Variants in SMIM18 observed in about 807,000 individuals in gnomAD.
SMIM18 encodes the protein small integral membrane protein 18.
SMIM18 carries 4 observed loss-of-function variants against 5.9 expected under a neutral mutation model. The observed-to-expected ratio is 0.68, with a 90% CI of 0.33 to 1.56. The LOEUF (loss-of-function observed/expected upper bound fraction) is 1.56, where lower values mean the gene tolerates loss of function less well. Ranked by LOEUF, SMIM18 falls within the 40% of genes most tolerant of loss-of-function variation. SMIM18 has a pLI of 0.06. For synonymous variants in SMIM18, 37 were observed against 37.4 expected, an observed-to-expected ratio of 0.99 and a Z score of 0.04; for missense variants, 89 against 109.7, an observed-to-expected ratio of 0.81 and a Z score of 0.84.
At chr8:30,643,719 T>C (rs1220726498) in intron 1 of SMIM18, 1 of 148,818 alleles carries the variant, frequency 6.7e-6, no homozygotes, top group African/African-American at 2.5e-5. Flanking sequence ...ATCATACAAA[T>C]CTCTCACCTT....
At chr8:30,640,623 T>A (rs1459206998) in intron 1 of SMIM18, among the ~76,000 whole-genome samples, 4 of 152,264 alleles carry the variant, frequency 2.6e-5, no homozygotes, top group Non-Finnish European at 5.9e-5. Context: ...TCATAAAGAA[T>A]GTTTACAGCA....
intron 1 of SMIM18, among the ~76,000 whole-genome samples, chr8:30,639,604 A>G (rs937848511): frequency 1.3e-5 from 2 of 152,158 alleles, no homozygotes; most frequent in Non-Finnish European, 2.9e-5. Flanking sequence ...TTAAAAATTA[A>G]TATTAACTGC....
intron 1 of SMIM18, chr8:30,643,745 T>A (rs1012496599): frequency 1.3e-5 from 2 of 151,900 alleles, no homozygotes; most frequent in Non-Finnish European, 2.9e-5. Context: ...AAAGATTTCT[T>A]CAGAGAGTAA....
At chr8:30,640,992 T>G (rs1801801828) in intron 1 of SMIM18, among the ~76,000 whole-genome samples, 1 of 152,140 alleles carries the variant, frequency 6.6e-6, no homozygotes, top group African/African-American at 2.4e-5. Context: ...GGCCTAATGG[T>G]ATATTTCTTT....
intron 1 of SMIM18, chr8:30,643,574 T>G (rs1238578265): frequency 6.6e-6 from 1 of 151,664 alleles, no homozygotes; most frequent in Non-Finnish European, 1.5e-5. Context: ...GAGAATCACT[T>G]GAACCCAGGA....
chr8:30,645,383 A>AC lies in SMIM18; in HGVS notation c.77dup (p.His28ProfsTer2), dbSNP rs1563508635. On this transcript the variant is annotated frameshift_variant, in exon 3 of 3. Coordinates refer to ENST00000517349, the MANE Select transcript of SMIM18 (RefSeq NM_001206847.2). LOFTEE classifies it high-confidence loss of function. ...CTTGGTTTTCAAGTTCAAAAAATTTACCCTTTCCATGACAACTGGAACACT... is the reference window on the plus strand; with the variant it reads ...CTTGGTTTTCAAGTTCAAAAAATTTACCCCTTTCCATGACAACTGGAACACT... 2.0e-6 allele frequency: 3 copies of AC among 1,535,654 alleles called. No individual in the cohort carries two copies. Among genetic ancestry groups the AC allele is most frequent in the Non-Finnish European group, 2.6e-6 (3 of 1,146,898 alleles).
At chr8:30,643,341 A>G (rs1213840255) in intron 1 of SMIM18, 3 of 152,134 alleles carry the variant, frequency 2.0e-5, no homozygotes, top group African/African-American at 4.8e-5. Flanking sequence ...ATGGGCCAAG[A>G]GTTGATGAAT....
chr8:30,641,200 C>T (rs988216774), intron 1 of SMIM18, among the ~76,000 whole-genome samples: 3 of 152,170 alleles, frequency 2.0e-5, no homozygotes, highest in African/African-American at 4.8e-5. Flanking sequence ...TGTTTTGAGC[C>T]GCTCGGTTAT....
intron 1 of SMIM18, among the ~76,000 whole-genome samples, chr8:30,644,004 G>A (rs1351082382): frequency 2.0e-5 from 3 of 152,142 alleles, no homozygotes; most frequent in Non-Finnish European, 2.9e-5. Flanking sequence ...AATGACAACC[G>A]ATAAATTAAT....
intron 1 of SMIM18, among the ~76,000 whole-genome samples, chr8:30,640,315 G>A (rs1801768656): frequency 6.6e-6 from 1 of 152,102 alleles, no homozygotes; most frequent in African/African-American, 2.4e-5. Context: ...ATTCTCATCT[G>A]GCAACCCAAA....
Position 30,645,658 on chromosome 8 carries a change from T to A in SMIM18, c.*61T>A. On this transcript the variant is annotated 3_prime_UTR_variant, in exon 3 of 3. Transcript: ENST00000517349. ...GCTCAACCTCTTCTGAGAAAAAAAATATATTCTGAGGCCAACTGTTGCTAC... is the reference window on the plus strand; with the variant it reads ...GCTCAACCTCTTCTGAGAAAAAAAAAATATTCTGAGGCCAACTGTTGCTAC... The A allele has an allele frequency of 1.4e-6, 2 of 1,438,188 alleles. No homozygotes were observed. Among genetic ancestry groups the A allele is most frequent in the South Asian group, 2.7e-5 (2 of 73,138 alleles). 89.1% of individuals were successfully genotyped at this position (1,438,188 alleles called of 1,614,324 possible).
chr8:30,645,194 C>T (rs970261642), intron 2 of SMIM18, 87 bp from the exon 3 acceptor site: 2 of 1,178,290 alleles, frequency 1.7e-6, no homozygotes, highest in African/African-American at 1.6e-5. Context: ...GTTGCCTATA[C>T]AAATTTACTA....
Position 30,645,328 on chromosome 8 carries a change from A to G in SMIM18, c.19A>G (p.Asn7Asp), listed in dbSNP as rs1416003562. 3.9e-6 allele frequency: 6 copies of G among 1,535,482 alleles called. No homozygotes were observed. The Admixed American group carries it at 5.9e-5, about 15-fold the overall frequency. Reference sequence around the variant, plus strand: ...TCTAAGAATGGCTTCCAGCCACTGGAATGAAACCACTACCTCTGTTTATCA... The same window carrying G: ...TCTAAGAATGGCTTCCAGCCACTGGGATGAAACCACTACCTCTGTTTATCA... Reference protein sequence around the residue: MASSHWNETTTSVYQYL... With the variant: MASSHWDETTTSVYQYL... The change falls in exon 3 of 3, where the codon AAT becomes GAT. Residue 7 changes from asparagine (N) to aspartate (D), a missense_variant. Coordinates refer to ENST00000517349, the MANE Select transcript of SMIM18 (RefSeq NM_001206847.2).
Position 30,645,771 on chromosome 8 carries a change from TCATTAAATA to T in SMIM18, c.*175_*183del. ...TGCACTGTTTGTGTGTATAGCCATT[TCATTAAATA>T]TACAGTAAAACTTCATGAATGTGAA... On this transcript the variant is annotated 3_prime_UTR_variant, in exon 3 of 3. Transcript: ENST00000517349. The T allele has an allele frequency of 1.7e-6, 1 of 598,956 alleles. No individual in the cohort carries two copies. Among genetic ancestry groups the T allele is most frequent in the Non-Finnish European group, 2.9e-6 (1 of 349,904 alleles). The allele number at this position is 598,956 out of a possible 1,614,324, so 37.1% of individuals were successfully genotyped here.
chr8:30,643,375 G>C (rs1228965035), intron 1 of SMIM18: 3 of 152,138 alleles, frequency 2.0e-5, no homozygotes, highest in African/African-American at 7.2e-5. Context: ...AAGTACATGG[G>C]AGGCCAGGCG....
chr8:30,639,477 ATAAAC>A (rs1250483724), intron 1 of SMIM18, among the ~76,000 whole-genome samples: 2 of 152,180 alleles, frequency 1.3e-5, no homozygotes, highest in African/African-American at 4.8e-5. Flanking sequence ...AGTCCTTTTG[ATAAAC>A]TGCATTTTAA....
Position 30,645,731 on chromosome 8 carries a change from A to T in SMIM18, c.*134A>T. ...TTAAAACATTTCTAGTAGAAGGGGA[A>T]AAAAAAGTTAAACATGCACTGTTTG... On this transcript the variant is annotated 3_prime_UTR_variant, in exon 3 of 3. Transcript: ENST00000517349. 1 of 864,656 alleles carries T rather than the reference A, an allele frequency of 1.2e-6. No homozygotes were observed. The highest frequency in any genetic ancestry group is 1.7e-6 in the Non-Finnish European group (1 of 580,254). 53.6% of individuals were successfully genotyped at this position (864,656 alleles called of 1,614,324 possible).
rs972216837 is a variant in SMIM18 at position 30,645,413 on chromosome 8, G to A, written c.104G>A (p.Cys35Tyr). 2.0e-6 allele frequency: 3 copies of A among 1,535,644 alleles called. No homozygotes were observed. The highest frequency in any genetic ancestry group is 2.6e-6 in the Non-Finnish European group (3 of 1,146,890). ...YPFHDNWNTACFVILLLFIFT... is the reference protein window; with the variant it reads ...YPFHDNWNTAYFVILLLFIFT... ...TTCCATGACAACTGGAACACTGCCT[G>A]CTTTGTCATCCTGCTTTTATTTATA... Residue 35 changes from cysteine to tyrosine, a missense_variant, in exon 3 of 3, where the codon TGC (cysteine) becomes TAC (tyrosine). By Grantham distance (194) the Cys-to-Tyr change is radical. Transcript: ENST00000517349.
In SMIM18 at chr8:30,645,555, T is replaced by A; in HGVS notation, c.246T>A (p.Ser82Arg). ...DLKSEPNPLR[S>R]MMDNIRKRET... Reference sequence around the variant, plus strand: ...AAAGTGAACCCAACCCTCTTAGAAGTATGATGGACAACATCAGAAAACGTG... The same window carrying A: ...AAAGTGAACCCAACCCTCTTAGAAGAATGATGGACAACATCAGAAAACGTG... The change falls in exon 3 of 3, where the codon AGT becomes AGA. Residue 82 changes from serine to arginine, a missense_variant. Transcript: ENST00000517349. 2 of 1,535,646 alleles carry A rather than the reference T, an allele frequency of 1.3e-6. No homozygotes were observed. Among genetic ancestry groups the A allele is most frequent in the Non-Finnish European group, 1.7e-6 (2 of 1,146,878 alleles).
Sources: allele counts gnomAD v4.1 joint callset (sites outside exome capture counted in the v4.1 genomes callset), GRCh38; gene constraint gnomAD v4.1.1; transcripts MANE v1.5; gene names NCBI Gene and HGNC (gene_info 2026-07-23, HGNC 2026-07-21).